The following KIRREL3 variants were observed in gnomAD, a reference collection of about 807,000 sequenced individuals.
KIRREL3 encodes kin of IRRE-like protein 3.
A neutral mutation model predicts 89.7 loss-of-function variants in KIRREL3; 36 were observed. The observed-to-expected ratio is 0.40, with a 90% CI of 0.31 to 0.53. The LOEUF is 0.53. KIRREL3 is among the 20% of genes least tolerant of loss of function. The probability of loss-of-function intolerance (pLI) is 0.49; values close to 1 mark genes in which losing one functional copy is unlikely to be tolerated. For missense variants in KIRREL3, 864 were observed against 1,056.6 expected, an observed-to-expected ratio of 0.82 and a Z score of 2.53; for synonymous variants, 445 against 441.4, an observed-to-expected ratio of 1.01 and a Z score of -0.10.
Position 126,550,250 on chromosome 11 carries a change from A to G in KIRREL3, c.133+12585T>C, listed in dbSNP as rs1939149775. The G allele has an allele frequency of 6.6e-6, 1 of 152,238 alleles. No homozygotes were observed. Among genetic ancestry groups the G allele is most frequent in the Non-Finnish European group, 1.5e-5 (1 of 68,062 alleles). 9.4% of individuals were successfully genotyped at this position (152,238 alleles called of 1,614,324 possible). The stretch of plus-strand genomic sequence containing the variant: ...GTACTTGGCAGGGATATGGAACCAG[A>G]TGACCTTTGGTCCCTTCTGGCCTGG... On this transcript the variant is annotated intron_variant, in intron 2 of 16. Transcript: ENST00000525144. This position sits in a 1 kb window ranked among gnomAD's most constrained non-coding sequence, Gnocchi z 4.9.
intron 1 of KIRREL3, among the ~76,000 whole-genome samples, chr11:126,756,856 T>C (rs981710373): frequency 4.6e-5 from 7 of 152,156 alleles, no homozygotes; most frequent in African/African-American, 1.7e-4. Flanking sequence ...GTGGGGAAAA[T>C]TGGTGGTATT....
intron 1 of KIRREL3, among the ~76,000 whole-genome samples, chr11:126,842,063 A>G (rs1296032804): frequency 6.6e-6 from 1 of 152,148 alleles, no homozygotes; most frequent in Non-Finnish European, 1.5e-5. Flanking sequence ...TGAGCTTTGC[A>G]GCAGAGAAGA....
At chr11:126,445,214 G>A (rs553115601) in intron 9 of KIRREL3, 109 bp from the exon 10 acceptor site, 62 of 1,382,524 alleles carry the variant, frequency 4.5e-5, no homozygotes, top group Non-Finnish European at 5.4e-5. Context: ...GGCAGTCTCC[G>A]GCATCTCAGT....
At chr11:126,433,888 G>A (rs1056236604) in intron 13 of KIRREL3, among the ~76,000 whole-genome samples, 3 of 152,354 alleles carry the variant, frequency 2.0e-5, no homozygotes, top group African/African-American at 7.2e-5. Flanking sequence ...TCAGTGCCTT[G>A]TCTGCACCCT....
chr11:126,798,534 T>C (rs1950885929), intron 1 of KIRREL3, among the ~76,000 whole-genome samples: 1 of 152,244 alleles, frequency 6.6e-6, no homozygotes, highest in Non-Finnish European at 1.5e-5. Flanking sequence ...GAGGGTTTCC[T>C]TGTGCTGGCT....
At chr11:126,436,779 C>T (rs371372451) in intron 12 of KIRREL3, 32 bp downstream of exon 12, 26 of 1,611,728 alleles carry the variant, frequency 1.6e-5, no homozygotes, top group African/African-American at 1.2e-4. Flanking sequence ...TTCCATCGTT[C>T]GTTGTTCCCT....
intron 1 of KIRREL3, among the ~76,000 whole-genome samples, chr11:126,979,420 C>A (rs1035046952): frequency 3.7e-4 from 57 of 152,334 alleles, no homozygotes; most frequent in African/African-American, 1.4e-3. Flanking sequence ...TATCAACTTA[C>A]AACATCCCTA....
rs2135294005 is a variant in KIRREL3 at position 126,996,400 on chromosome 11, C to G, written c.55+4055G>C. ...TGCTGATTCCTTCTCTGCCTGTACC[C>G]CCTATGATCCCTCCATTCTTTAGGC... On this transcript the variant is annotated intron_variant, in intron 1 of 16. Transcript: ENST00000525144. The surrounding 1 kb of genome is among the most constrained non-coding windows in gnomAD (Gnocchi z 4.7). Among the ~76,000 whole-genome samples the G allele has an allele frequency of 3.3e-5, 5 of 152,280 alleles. 1 individual carries two copies. The South Asian group carries it at 1.0e-3, about 32-fold the overall frequency.
At chr11:126,707,395 A>AT (rs1266549229) in intron 1 of KIRREL3, among the ~76,000 whole-genome samples, 1 of 151,842 alleles carries the variant, frequency 6.6e-6, no homozygotes. Flanking sequence ...ATCCTGTCTA[A>AT]TTTTTTCTCC....
chr11:126,720,631 C>A (rs2134168489), intron 1 of KIRREL3, among the ~76,000 whole-genome samples: 1 of 152,254 alleles, frequency 6.6e-6, no homozygotes, highest in African/African-American at 2.4e-5. Context: ...CATTCACCAC[C>A]CAAACACAGA....
chr11:126,967,301 A>G (rs915079177), intron 1 of KIRREL3, among the ~76,000 whole-genome samples: 3 of 152,136 alleles, frequency 2.0e-5, no homozygotes, highest in East Asian at 1.9e-4. Flanking sequence ...CCCTCCAAAG[A>G]GCACTGCAAG....
Position 126,703,213 on chromosome 11 carries a change from A to G in KIRREL3, c.56-140301T>C, listed in dbSNP as rs186674712. Among the ~76,000 whole-genome samples the G allele has an allele frequency of 2.6e-4, 40 of 152,328 alleles. No individual in the cohort carries two copies. In the East Asian group the frequency reaches 4.3e-3, roughly 16 times the overall value. On this transcript the variant is annotated intron_variant, in intron 1 of 16. Transcript: ENST00000525144. The surrounding 1 kb of genome is among the most constrained non-coding windows in gnomAD (Gnocchi z 4.6). ...TCCTGCCATTTACTCCATCTGACCTACTTCACAGGCTGGGCTGCCATGAGC... is the reference window on the plus strand; with the variant it reads ...TCCTGCCATTTACTCCATCTGACCTGCTTCACAGGCTGGGCTGCCATGAGC...
chr11:126,927,534 G>C (rs1947772459), intron 1 of KIRREL3, among the ~76,000 whole-genome samples: 3 of 152,160 alleles, frequency 2.0e-5, no homozygotes, highest in Admixed American at 2.0e-4. Context: ...AAAAAGGAAA[G>C]GTCTCCTTTG....
At chr11:126,619,691 T>C (rs1943500231) in intron 1 of KIRREL3, among the ~76,000 whole-genome samples, 1 of 152,252 alleles carries the variant, frequency 6.6e-6, no homozygotes, top group Non-Finnish European at 1.5e-5. Flanking sequence ...TTGACCCACT[T>C]CCTAGCAGCT....
At chr11:126,851,849 G>A (rs1010904499) in intron 1 of KIRREL3, among the ~76,000 whole-genome samples, 1 of 152,094 alleles carries the variant, frequency 6.6e-6, no homozygotes, top group Admixed American at 6.5e-5. Context: ...GTCTACATGG[G>A]CAGATGGAGC....
intron 1 of KIRREL3, among the ~76,000 whole-genome samples, chr11:126,824,962 T>G (rs1163957995): frequency 6.6e-6 from 1 of 152,204 alleles, no homozygotes; most frequent in Non-Finnish European, 1.5e-5. Flanking sequence ...GAGGGACGTA[T>G]GTAGCCTTTT....
chr11:126,829,776 T>C (rs1210700015), intron 1 of KIRREL3, among the ~76,000 whole-genome samples: 1 of 152,112 alleles, frequency 6.6e-6, no homozygotes, highest in Non-Finnish European at 1.5e-5. Context: ...AACAAGGAAA[T>C]ACACATGTGA....
At chr11:126,720,306 C>T (rs1397227453) in intron 1 of KIRREL3, among the ~76,000 whole-genome samples, 1 of 152,198 alleles carries the variant, frequency 6.6e-6, no homozygotes, top group South Asian at 2.1e-4. Flanking sequence ...TGAGACTCTG[C>T]AGTCCTTGCC....
intron 1 of KIRREL3, among the ~76,000 whole-genome samples, chr11:126,895,430 C>T (rs1345843401): frequency 8.5e-6 from 1 of 118,278 alleles, no homozygotes; most frequent in Admixed American, 1.1e-4. Flanking sequence ...GCCTCAGCAA[C>T]AGAGTGAGAC....
Sources: gnomAD v4.1 joint callset for allele counts (sites outside exome capture counted in the v4.1 genomes callset) on GRCh38, gnomAD v4.1.1 for gene constraint, Gnocchi (gnomAD v3.1) non-coding constraint, MANE v1.5 for transcripts, NCBI Gene and HGNC (gene_info 2026-07-23, HGNC 2026-07-21) for gene names.